RALGPS2: variants seen among roughly 807,000 people sequenced by gnomAD.
The protein encoded by RALGPS2 is Ral GEF with PH domain and SH3 binding motif 2, also known as ras-specific guanine nucleotide-releasing factor RalGPS2.
RALGPS2 carries 43 observed loss-of-function variants against 86.8 expected under a neutral mutation model. That is an observed-to-expected ratio of 0.50 (90% CI 0.39 to 0.64). RALGPS2 has a LOEUF of 0.64. Ranked by LOEUF, RALGPS2 falls within the 30% of genes least tolerant of loss-of-function variation. RALGPS2 has a pLI of 0.00. For synonymous variants in RALGPS2, 243 were observed against 231.3 expected, an observed-to-expected ratio of 1.05 and a Z score of -0.46; for missense variants, 536 against 694.6, an observed-to-expected ratio of 0.77 and a Z score of 2.57.
chr1:178,750,249 TGCA>T (rs1339092029), intron 1 of RALGPS2, among the ~76,000 whole-genome samples: 1 of 152,238 alleles, frequency 6.6e-6, no homozygotes, highest in African/African-American at 2.4e-5. Flanking sequence ...AAGTCTCTGT[TGCA>T]GCTATTCAGT....
chr1:178,745,606 A>G lies in RALGPS2; in HGVS notation c.-84+20187A>G, dbSNP rs189146278. Among the ~76,000 whole-genome samples, 9 of 152,312 alleles carry G rather than the reference A, an allele frequency of 5.9e-5. No homozygotes were observed. In the East Asian group the frequency reaches 1.4e-3, roughly 23 times the overall value. On this transcript the variant is annotated intron_variant, in intron 1 of 19. Coordinates refer to ENST00000367635, the MANE Select transcript of RALGPS2 (RefSeq NM_152663.5). The stretch of plus-strand genomic sequence containing the variant: ...AAATGAACTTCAGTCTGTATCTTGC[A>G]CTGTATGGGAAAATGAGCTCAAAAT...
intron 1 of RALGPS2, among the ~76,000 whole-genome samples, chr1:178,749,953 A>C (rs755953154): frequency 1.3e-5 from 2 of 152,014 alleles, no homozygotes; most frequent in Non-Finnish European, 2.9e-5. Flanking sequence ...CAACACACAC[A>C]CACACAAATT....
intron 1 of RALGPS2, among the ~76,000 whole-genome samples, chr1:178,765,325 T>C (rs945554388): frequency 2.0e-5 from 3 of 151,854 alleles, no homozygotes; most frequent in Non-Finnish European, 4.4e-5. Flanking sequence ...AAGAGAGAAA[T>C]TTTAAAGCTG....
At chr1:178,763,996 G>A (rs578214598) in intron 1 of RALGPS2, among the ~76,000 whole-genome samples, 3 of 152,170 alleles carry the variant, frequency 2.0e-5, no homozygotes, top group Admixed American at 1.3e-4. Flanking sequence ...TTCTGTAAAT[G>A]TCTGTTAGGT....
chr1:178,835,727 C>T (rs933262651), intron 8 of RALGPS2, among the ~76,000 whole-genome samples: 5 of 152,012 alleles, frequency 3.3e-5, no homozygotes, highest in African/African-American at 1.2e-4. Flanking sequence ...ATTTTACTAT[C>T]GAGAAAACCA....
Position 178,733,118 on chromosome 1 carries a change from G to T in RALGPS2, c.-84+7699G>T, listed in dbSNP as rs574256953. Among the ~76,000 whole-genome samples, 6 of 152,234 alleles carry T rather than the reference G, an allele frequency of 3.9e-5. No homozygotes were observed. The South Asian group carries it at 1.2e-3, about 32-fold the overall frequency. On this transcript the variant is annotated intron_variant, in intron 1 of 19. Coordinates refer to ENST00000367635, the MANE Select transcript of RALGPS2 (RefSeq NM_152663.5). ...CTTGAAGGAACTATAGATTTAATATGAAAGTTTCTAAAACAAAACATGGAA... is the reference window on the plus strand; with the variant it reads ...CTTGAAGGAACTATAGATTTAATATTAAAGTTTCTAAAACAAAACATGGAA...
At chr1:178,765,026 C>T (rs901506327) in intron 1 of RALGPS2, among the ~76,000 whole-genome samples, 2 of 152,130 alleles carry the variant, frequency 1.3e-5, no homozygotes, top group African/African-American at 4.8e-5. Flanking sequence ...TGAAGATATG[C>T]TTGCTTCCCC....
intron 8 of RALGPS2, among the ~76,000 whole-genome samples, chr1:178,876,010 A>G (rs1165226699): frequency 1.3e-5 from 2 of 152,182 alleles, no homozygotes; most frequent in African/African-American, 2.4e-5. Flanking sequence ...TAAAGAAAAA[A>G]AAGTATGATA....
chr1:178,917,515 G>A lies in RALGPS2; in HGVS notation c.*1156G>A, dbSNP rs1308392786. Reference sequence around the variant, plus strand: ...CAAAATAATTTTAAGAGGGATAAAGGTGAAAATATCAGATTCTGGAAATTT... The same window carrying A: ...CAAAATAATTTTAAGAGGGATAAAGATGAAAATATCAGATTCTGGAAATTT... On this transcript the variant is annotated 3_prime_UTR_variant, in exon 20 of 20. Transcript: ENST00000367635. 6.6e-6 allele frequency: 1 copy of A among 152,010 alleles called. No individual in the cohort carries two copies. Among genetic ancestry groups the A allele is most frequent in the African/African-American group, 2.4e-5 (1 of 41,380 alleles). The allele number at this position is 152,010 out of a possible 1,614,324, so 9.4% of individuals were successfully genotyped here.
chr1:178,748,083 G>T (rs1651439141), intron 1 of RALGPS2, among the ~76,000 whole-genome samples: 1 of 152,212 alleles, frequency 6.6e-6, no homozygotes, highest in Non-Finnish European at 1.5e-5. Flanking sequence ...ACTTTGGGAG[G>T]CCGAGGCGGG....
intron 8 of RALGPS2, among the ~76,000 whole-genome samples, chr1:178,833,751 C>T (rs917104810): frequency 1.1e-4 from 16 of 152,006 alleles, no homozygotes; most frequent in African/African-American, 3.9e-4. Context: ...AGCCTTTTGC[C>T]CTCAAGGTTT....
intron 4 of RALGPS2, among the ~76,000 whole-genome samples, chr1:178,795,788 G>A (rs1266222796): frequency 6.6e-6 from 1 of 152,120 alleles, no homozygotes. Context: ...GCTTCTCTGT[G>A]CAAACCTTCT....
At chr1:178,761,869 AATTTT>A (rs1210553673) in intron 1 of RALGPS2, among the ~76,000 whole-genome samples, 1 of 151,986 alleles carries the variant, frequency 6.6e-6, no homozygotes, top group Non-Finnish European at 1.5e-5. Context: ...TTGATTTTTA[AATTTT>A]ATTTTATTTT....
At chr1:178,799,172 T>C (rs1314279940) in intron 4 of RALGPS2, among the ~76,000 whole-genome samples, 1 of 152,162 alleles carries the variant, frequency 6.6e-6, no homozygotes, top group Non-Finnish European at 1.5e-5. Context: ...CCTGAGTAGC[T>C]TGGATTACAG....
intron 8 of RALGPS2, among the ~76,000 whole-genome samples, chr1:178,858,023 T>C (rs559883980): frequency 6.6e-6 from 1 of 152,310 alleles, no homozygotes; most frequent in Non-Finnish European, 1.5e-5. Context: ...ACCCATGTTT[T>C]GCAGTGGGCT....
intron 4 of RALGPS2, among the ~76,000 whole-genome samples, chr1:178,792,292 A>G (rs1056074944): frequency 6.6e-6 from 1 of 152,172 alleles, no homozygotes; most frequent in Admixed American, 6.5e-5. Context: ...AAGTTTTTTA[A>G]GGTTCTCTGA....
intron 8 of RALGPS2, among the ~76,000 whole-genome samples, chr1:178,867,767 A>G (rs1055536892): frequency 1.3e-5 from 2 of 151,632 alleles, no homozygotes; most frequent in African/African-American, 2.4e-5. Context: ...TTCCTTCTGT[A>G]TGTATTCTGT....
intron 6 of RALGPS2, among the ~76,000 whole-genome samples, chr1:178,813,736 G>C (rs1655098931): frequency 6.6e-6 from 1 of 152,196 alleles, no homozygotes; most frequent in South Asian, 2.1e-4. Context: ...TTAGGCACTA[G>C]TCTTGAAGCA....
chr1:178,793,401 C>CTTTTT (rs76555147), intron 4 of RALGPS2, among the ~76,000 whole-genome samples: 1 of 110,026 alleles, frequency 9.1e-6, no homozygotes, highest in Non-Finnish European at 2.0e-5. Flanking sequence ...CCACAGGGGT[C>CTTTTT]TTTTTTTTTT....
Sources: allele counts gnomAD v4.1 joint callset (sites outside exome capture counted in the v4.1 genomes callset), GRCh38; gene constraint gnomAD v4.1.1; transcripts MANE v1.5; gene names NCBI Gene and HGNC (gene_info 2026-07-23, HGNC 2026-07-21).